KCNQ5: variants seen among roughly 807,000 people sequenced by gnomAD.
KCNQ5 encodes potassium voltage-gated channel subfamily KQT member 5.
KCNQ5 carries 30 observed loss-of-function variants against 98.2 expected under a neutral mutation model. The observed-to-expected ratio is 0.31, with a 90% CI of 0.23 to 0.41. The LOEUF (loss-of-function observed/expected upper bound fraction) is 0.41, where lower values mean the gene tolerates loss of function less well. KCNQ5 is among the 10% of genes least tolerant of loss of function. The pLI is 1.00. For missense variants in KCNQ5, 835 were observed against 1,182.5 expected (o/e 0.71, Z 4.31); for synonymous variants, 458 against 449.4 (o/e 1.02, Z -0.24).
At chr6:72,751,186 G>A (rs1771660702) in intron 1 of KCNQ5, among the ~76,000 whole-genome samples, 2 of 151,934 alleles carry the variant, frequency 1.3e-5, no homozygotes, top group South Asian at 4.2e-4. Context: ...TAGGGGATAG[G>A]CAATTTTTTT....
At chr6:72,933,617 C>A (rs2033792634) in intron 1 of KCNQ5, among the ~76,000 whole-genome samples, 1 of 152,168 alleles carries the variant, frequency 6.6e-6, no homozygotes, top group African/African-American at 2.4e-5. Context: ...CATTACTTAT[C>A]TTCCACTCCA....
chr6:73,077,728 A>G (rs1278907184), intron 4 of KCNQ5, 34 bp from the exon 5 acceptor site: 2 of 1,574,394 alleles, frequency 1.3e-6, no homozygotes, highest in Admixed American at 1.8e-5. Context: ...AAGATTTCCC[A>G]CCTCTAAAAA....
At chr6:73,161,517 A>C (rs766011601) in intron 10 of KCNQ5, among the ~76,000 whole-genome samples, 2 of 152,224 alleles carry the variant, frequency 1.3e-5, no homozygotes, top group Non-Finnish European at 2.9e-5. Flanking sequence ...AAGATGATGG[A>C]TAGCCCAAGT....
At chr6:72,868,179 C>T (rs1275011504) in intron 1 of KCNQ5, among the ~76,000 whole-genome samples, 1 of 152,072 alleles carries the variant, frequency 6.6e-6, no homozygotes, top group Non-Finnish European at 1.5e-5. Flanking sequence ...TGGCCAAGCA[C>T]TGTGGCTTGG....
At position 72,670,928 on chromosome 6, in the gene KCNQ5, T is replaced by C. The variant is rs546287588; in HGVS notation, c.398+48341T>C. Reference sequence around the variant, plus strand: ...CGGTAGGGTCTTCAAAGGCCCTATCTCTAAATAGTTATATTGGGGGTTGGA... The same window carrying C: ...CGGTAGGGTCTTCAAAGGCCCTATCCCTAAATAGTTATATTGGGGGTTGGA... On this transcript the variant is annotated intron_variant, in intron 1 of 13. Transcript: ENST00000370398. Among the ~76,000 whole-genome samples, 10 of 152,284 alleles carry C rather than the reference T, an allele frequency of 6.6e-5. No homozygotes were observed. The South Asian group carries it at 2.1e-3, about 32-fold the overall frequency.
intron 1 of KCNQ5, among the ~76,000 whole-genome samples, chr6:72,705,805 G>A (rs1446459285): frequency 1.3e-5 from 2 of 151,918 alleles, no homozygotes; most frequent in Non-Finnish European, 2.9e-5. Flanking sequence ...GTAATTTGTT[G>A]TATTGTTATA....
chr6:72,917,770 C>T (rs1406407962), intron 1 of KCNQ5, among the ~76,000 whole-genome samples: 2 of 152,112 alleles, frequency 1.3e-5, no homozygotes, highest in Non-Finnish European at 2.9e-5. Context: ...CATGCGCGGC[C>T]AGGAGCTCCC....
chr6:72,785,469 T>G (rs1319789305), intron 1 of KCNQ5, among the ~76,000 whole-genome samples: 1 of 151,830 alleles, frequency 6.6e-6, no homozygotes, highest in Admixed American at 6.6e-5. Flanking sequence ...TCCAACATAG[T>G]GATACCCCAT....
At chr6:72,908,030 T>TCATAACCC (rs1260904118) in intron 1 of KCNQ5, among the ~76,000 whole-genome samples, 5 of 152,134 alleles carry the variant, frequency 3.3e-5, no homozygotes, top group African/African-American at 7.2e-5. Context: ...ACAATAATTA[T>TCATAACCC]CATAACCCTT....
chr6:72,822,680 A>G (rs1775812029), intron 1 of KCNQ5, among the ~76,000 whole-genome samples: 1 of 152,184 alleles, frequency 6.6e-6, no homozygotes, highest in African/African-American at 2.4e-5. Flanking sequence ...CAGCAAATCA[A>G]TCTATAAGCT....
At chr6:72,642,963 A>G (rs779817776) in intron 1 of KCNQ5, among the ~76,000 whole-genome samples, 19 of 152,204 alleles carry the variant, frequency 1.2e-4, no homozygotes, top group Non-Finnish European at 2.4e-4. Flanking sequence ...TTGCAGGAAC[A>G]TGGATGGACC....
intron 1 of KCNQ5, among the ~76,000 whole-genome samples, chr6:72,978,664 C>A (rs1345767333): frequency 6.6e-6 from 1 of 152,036 alleles, no homozygotes. Context: ...GATAAAGAAA[C>A]ACAGAAGTTA....
Position 73,113,022 on chromosome 6 carries a change from T to C in KCNQ5, c.1125+1619T>C, listed in dbSNP as rs141784942. Among the ~76,000 whole-genome samples the C allele has an allele frequency of 2.2e-3, 337 of 152,130 alleles. 2 individuals are homozygous for C. The highest frequency in any genetic ancestry group is 7.9e-3 in the African/African-American group (328 of 41,508). ...AAAGGTCACTAAAGAGAAAGTAAAC[T>C]CTATTTTCTTATATGAAGTTGGAGT... On this transcript the variant is annotated intron_variant, in intron 7 of 13. Coordinates refer to ENST00000370398, the MANE Select transcript of KCNQ5 (RefSeq NM_019842.4).
At chr6:73,032,869 G>T (rs1771214677) in intron 2 of KCNQ5, among the ~76,000 whole-genome samples, 1 of 152,046 alleles carries the variant, frequency 6.6e-6, no homozygotes, top group Non-Finnish European at 1.5e-5. Flanking sequence ...TCCACAAAGG[G>T]CACCACTTCA....
chr6:72,623,662 G>T (rs1258678172), intron 1 of KCNQ5, among the ~76,000 whole-genome samples: 1 of 151,236 alleles, frequency 6.6e-6, no homozygotes, highest in Non-Finnish European at 1.5e-5. Context: ...TTCTCCTTTT[G>T]CTTCCTCTTT....
At chr6:72,658,580 T>TA (rs35213829) in intron 1 of KCNQ5, among the ~76,000 whole-genome samples, 6,184 of 62,678 alleles carry the variant, frequency 0.099, 180 homozygotes, top group East Asian at 0.24. Context: ...ATATATATAT[T>TA]TTTTTTTTTT....
At chr6:73,128,087 A>G (rs1383833677) in intron 9 of KCNQ5, among the ~76,000 whole-genome samples, 1 of 152,168 alleles carries the variant, frequency 6.6e-6, no homozygotes. Context: ...ATAAAATAAA[A>G]TACAAGCCAT....
chr6:72,650,566 G>A (rs1392426273), intron 1 of KCNQ5, among the ~76,000 whole-genome samples: 1 of 151,974 alleles, frequency 6.6e-6, no homozygotes, highest in Admixed American at 6.6e-5. Flanking sequence ...TGCCCTCTGG[G>A]GAAAAATCCA....
At chr6:72,687,219 G>T (rs749013313) in intron 1 of KCNQ5, among the ~76,000 whole-genome samples, 6 of 152,298 alleles carry the variant, frequency 3.9e-5, no homozygotes, top group Admixed American at 1.3e-4. Flanking sequence ...ATTGCTCTCT[G>T]CTCTGTTTCC....
Sources: allele counts gnomAD v4.1 joint callset (sites outside exome capture counted in the v4.1 genomes callset), GRCh38; gene constraint gnomAD v4.1.1; transcripts MANE v1.5; gene names NCBI Gene and HGNC (gene_info 2026-07-23, HGNC 2026-07-21).